LONP2: variants seen among roughly 807,000 people sequenced by gnomAD.
LONP2 encodes the protein lon protease homolog 2, peroxisomal.
In LONP2, 60 loss-of-function variants were observed where a neutral mutation model predicts 85.6. That is an observed-to-expected ratio of 0.70 (90% CI 0.57 to 0.87). The LOEUF (loss-of-function observed/expected upper bound fraction) is 0.87, where lower values mean the gene tolerates loss of function less well. Among genes scored for constraint, LONP2 ranks in the 40% least tolerant of loss-of-function variants. The pLI is 0.00. For missense variants in LONP2, 860 were observed against 1,063.5 expected (o/e 0.81, Z 2.66); for synonymous variants, 395 against 389.7 (o/e 1.01, Z -0.16).
intron 12 of LONP2, chr16:48,334,885 C>G (rs1959595139): frequency 1.4e-5 from 6 of 417,848 alleles, no homozygotes; most frequent in Admixed American, 1.3e-4. Flanking sequence ...CAGTCTCACT[C>G]CATTCTCATT....
At chr16:48,317,722 G>A (rs1264339048) in intron 11 of LONP2, among the ~76,000 whole-genome samples, 7 of 152,210 alleles carry the variant, frequency 4.6e-5, no homozygotes, top group African/African-American at 4.8e-5. Context: ...GCTGTAAGTT[G>A]GAGAAAAGGC....
intron 8 of LONP2, among the ~76,000 whole-genome samples, chr16:48,282,551 T>C (rs184666571): frequency 7.9e-5 from 12 of 152,308 alleles, no homozygotes; most frequent in Admixed American, 7.2e-4. Flanking sequence ...AACTTTTTCA[T>C]TATTATATCT....
chr16:48,341,560 G>A (rs1461233476), intron 12 of LONP2, among the ~76,000 whole-genome samples: 2 of 152,028 alleles, frequency 1.3e-5, no homozygotes, highest in Non-Finnish European at 2.9e-5. Context: ...CCGTGATCCA[G>A]TCACCTCCCA....
chr16:48,298,182 C>A (rs1168585968), intron 9 of LONP2, among the ~76,000 whole-genome samples: 2 of 152,308 alleles, frequency 1.3e-5, no homozygotes, highest in East Asian at 3.9e-4. Flanking sequence ...ATGCCACCTT[C>A]TTCCTTTGGC....
At chr16:48,246,667 T>C (rs2031401256) in intron 1 of LONP2, among the ~76,000 whole-genome samples, 1 of 152,202 alleles carries the variant, frequency 6.6e-6, no homozygotes, top group South Asian at 2.1e-4. Flanking sequence ...ATTGAACTCC[T>C]GGGCTCAAGT....
chr16:48,261,692 A>C, intron 5 of LONP2, 105 bp downstream of exon 5: 2 of 837,162 alleles, frequency 2.4e-6, no homozygotes, highest in Non-Finnish European at 1.7e-6. Context: ...ACATAATACA[A>C]ATCTTCCACC....
rs1567322132 is a variant in LONP2, at chr16:48,283,186, G to C, written c.1383+5707G>C. Among the ~76,000 whole-genome samples, 3 of 152,180 alleles carry C rather than the reference G, an allele frequency of 2.0e-5. 1 individual carries two copies. The highest frequency in any genetic ancestry group is 1.3e-4 in the Admixed American group (2 of 15,272). On this transcript the variant is annotated intron_variant, in intron 8 of 14. Coordinates refer to ENST00000285737, the MANE Select transcript of LONP2 (RefSeq NM_031490.5). The stretch of plus-strand genomic sequence containing the variant: ...TGGTTCATGAGATTTAAGGCAAGAA[G>C]CCATTTCTACAACATAAAGTGCAAA...
chr16:48,302,230 C>G (rs1972821881), intron 10 of LONP2, among the ~76,000 whole-genome samples: 1 of 152,146 alleles, frequency 6.6e-6, no homozygotes, highest in Admixed American at 6.5e-5. Flanking sequence ...CCTGTTTTCT[C>G]CCTTATTGAA....
chr16:48,344,926 AC>A (rs1959916849), intron 12 of LONP2: 1 of 151,864 alleles, frequency 6.6e-6, no homozygotes, highest in South Asian at 2.1e-4. Flanking sequence ...CTCAAAACAA[AC>A]AAAACAACAA....
chr16:48,331,087 T>G (rs1959429525), intron 11 of LONP2, among the ~76,000 whole-genome samples: 1 of 152,230 alleles, frequency 6.6e-6, no homozygotes, highest in Non-Finnish European at 1.5e-5. Flanking sequence ...CACCACAGAC[T>G]AGAGAAACTT....
intron 7 of LONP2, among the ~76,000 whole-genome samples, chr16:48,275,305 G>C (rs1317459384): frequency 6.6e-6 from 1 of 152,154 alleles, no homozygotes; most frequent in East Asian, 1.9e-4. Flanking sequence ...TCAGAGGCTT[G>C]TACTGTGTTA....
intron 11 of LONP2, among the ~76,000 whole-genome samples, chr16:48,319,191 C>T (rs1164446061): frequency 6.6e-6 from 1 of 151,990 alleles, no homozygotes; most frequent in Non-Finnish European, 1.5e-5. Flanking sequence ...ACCAGCCTGG[C>T]CAACACAGTG....
At chr16:48,292,552 C>G (rs2150992851) in intron 8 of LONP2, among the ~76,000 whole-genome samples, 1 of 152,296 alleles carries the variant, frequency 6.6e-6, no homozygotes, top group East Asian at 1.9e-4. Flanking sequence ...TAGCCTAAGT[C>G]TGCCTCCTTA....
At chr16:48,319,671 A>G (rs1973221168) in intron 11 of LONP2, among the ~76,000 whole-genome samples, 1 of 152,072 alleles carries the variant, frequency 6.6e-6, no homozygotes, top group Non-Finnish European at 1.5e-5. Flanking sequence ...CCCAGAGGGA[A>G]TGATGTGTGA....
downstream of LONP2, among the ~76,000 whole-genome samples, chr16:48,360,260 T>A (rs1960530789): frequency 6.6e-6 from 1 of 152,208 alleles, no homozygotes; most frequent in South Asian, 2.1e-4. Context: ...ATTTATTATA[T>A]CATTGTGCTT....
Position 48,261,412 on chromosome 16 carries a change from T to C in LONP2, c.724-12T>C. On this transcript the variant is annotated splice_polypyrimidine_tract_variant and intron_variant, in intron 4 of 14. Transcript: ENST00000285737. Reference sequence around the variant, plus strand: ...TTGACATACGGTTTTACTTTTCTGCTTTCTATGTTAGGTTATAGCAATACG... The same window carrying C: ...TTGACATACGGTTTTACTTTTCTGCCTTCTATGTTAGGTTATAGCAATACG... 1 of 1,551,844 alleles carries C rather than the reference T, an allele frequency of 6.4e-7. No individual in the cohort carries two copies. The highest frequency in any genetic ancestry group is 8.7e-7 in the Non-Finnish European group (1 of 1,148,112).
intron 11 of LONP2, among the ~76,000 whole-genome samples, chr16:48,315,512 A>G (rs923053373): frequency 3.9e-5 from 6 of 152,200 alleles, no homozygotes; most frequent in Non-Finnish European, 5.9e-5. Flanking sequence ...TCACTCTTTT[A>G]TAAGGATATC....
intron 12 of LONP2, 24 bp from the exon 13 acceptor site, chr16:48,347,483 T>C: frequency 1.9e-6 from 3 of 1,613,730 alleles, no homozygotes; most frequent in Non-Finnish European, 1.7e-6. Context: ...CCAACCCAAC[T>C]CTGATCATTC....
At chr16:48,341,077 C>T (rs1411928730) in intron 12 of LONP2, among the ~76,000 whole-genome samples, 1 of 152,056 alleles carries the variant, frequency 6.6e-6, no homozygotes, top group Admixed American at 6.6e-5. Flanking sequence ...CAAGGGCAGG[C>T]GGATCATGAG....
Sources: gnomAD v4.1 joint callset for allele counts (sites outside exome capture counted in the v4.1 genomes callset) on GRCh38, gnomAD v4.1.1 for gene constraint, MANE v1.5 for transcripts, NCBI Gene and HGNC (gene_info 2026-07-23, HGNC 2026-07-21) for gene names.